The following BICD1 variants were observed in gnomAD, a reference collection of about 807,000 sequenced individuals.
BICD1 encodes protein bicaudal D homolog 1.
In BICD1, 35 loss-of-function variants were observed where a neutral mutation model predicts 92.5. The observed-to-expected ratio is 0.38, with a 90% CI of 0.29 to 0.50. The LOEUF (loss-of-function observed/expected upper bound fraction) is 0.50, where lower values mean the gene tolerates loss of function less well. Among genes scored for constraint, BICD1 ranks in the 20% least tolerant of loss-of-function variants. The probability of loss-of-function intolerance (pLI) is 0.93; values close to 1 mark genes in which losing one functional copy is unlikely to be tolerated. For synonymous variants in BICD1, 429 were observed against 465.1 expected (o/e 0.92, Z 1.00); for missense variants, 950 against 1,189.8 (o/e 0.80, Z 2.97).
intron 2 of BICD1, among the ~76,000 whole-genome samples, chr12:32,262,057 C>T (rs758434001): frequency 2.6e-5 from 4 of 152,124 alleles, no homozygotes; most frequent in Non-Finnish European, 5.9e-5. Context: ...CATTTTAAGT[C>T]GTGGGTTTAT....
chr12:32,320,234 G>A (rs1314071418), intron 4 of BICD1, among the ~76,000 whole-genome samples: 1 of 152,146 alleles, frequency 6.6e-6, no homozygotes, highest in African/African-American at 2.4e-5. Context: ...GGCTGGGCAG[G>A]GTGGCTCTCA....
intron 2 of BICD1, among the ~76,000 whole-genome samples, chr12:32,271,186 T>G (rs534305482): frequency 6.6e-6 from 1 of 152,382 alleles, no homozygotes; most frequent in South Asian, 2.1e-4. Flanking sequence ...TCTCCCTGAA[T>G]TAGTGTCCTT....
intron 1 of BICD1, 50 bp from the exon 2 acceptor site, chr12:32,216,197 G>T: frequency 1.3e-6 from 2 of 1,574,512 alleles, no homozygotes; most frequent in South Asian, 1.1e-5. Context: ...TTAAAAGAGG[G>T]TTATGATGCA....
At chr12:32,109,340 A>G (rs554658323) in intron 1 of BICD1, 5 of 152,326 alleles carry the variant, frequency 3.3e-5, no homozygotes, top group East Asian at 1.9e-4. Context: ...TTCACTAGTC[A>G]ATATTGATTA....
intron 8 of BICD1, among the ~76,000 whole-genome samples, chr12:32,349,125 A>T (rs11051950): frequency 0.54 from 82,495 of 151,784 alleles, 23,378 homozygotes; most frequent in African/African-American, 0.72. Context: ...AGCAAAGAAG[A>T]GTTCTGGTGG....
intron 1 of BICD1, among the ~76,000 whole-genome samples, chr12:32,120,887 GAGAGAGAGAAAA>G (rs753809746): frequency 6.5e-5 from 3 of 46,504 alleles, no homozygotes; most frequent in South Asian, 1.8e-3. Flanking sequence ...GAGAGAGAGA[GAGAGAGAGAAAA>G]AAAAAAGGAA....
intron 1 of BICD1, among the ~76,000 whole-genome samples, chr12:32,146,157 GT>G (rs1461322673): frequency 1.3e-5 from 2 of 152,142 alleles, no homozygotes; most frequent in East Asian, 3.8e-4. Context: ...CCAGCGTTAA[GT>G]TGACAGTTAT....
intron 1 of BICD1, among the ~76,000 whole-genome samples, chr12:32,137,540 A>G (rs1045394121): frequency 1.9e-4 from 29 of 152,224 alleles, no homozygotes; most frequent in African/African-American, 7.0e-4. Context: ...GTTGTAGGGC[A>G]TATGTTCTGA....
intron 1 of BICD1, among the ~76,000 whole-genome samples, chr12:32,215,953 C>CAAAAAAAAA (rs56005523): frequency 1.5e-5 from 1 of 67,910 alleles, no homozygotes; most frequent in Non-Finnish European, 2.7e-5. Context: ...GACTCCGTCT[C>CAAAAAAAAA]AAAAAAAAAA....
intron 1 of BICD1, among the ~76,000 whole-genome samples, chr12:32,205,447 T>A (rs1478199848): frequency 6.6e-6 from 1 of 152,074 alleles, no homozygotes; most frequent in African/African-American, 2.4e-5. Flanking sequence ...AAATTGTACC[T>A]GGGGGCCAGC....
chr12:32,376,905 T>C (rs1353387625), intron 9 of BICD1, among the ~76,000 whole-genome samples: 1 of 149,654 alleles, frequency 6.7e-6, no homozygotes, highest in Admixed American at 6.7e-5. Context: ...ATAAAACTCT[T>C]CCTTATACCT....
chr12:32,146,067 G>A (rs1041497453), intron 1 of BICD1, among the ~76,000 whole-genome samples: 3 of 152,192 alleles, frequency 2.0e-5, no homozygotes, highest in Non-Finnish European at 4.4e-5. Context: ...TTTATAATTA[G>A]AAATGACATA....
intron 1 of BICD1, among the ~76,000 whole-genome samples, chr12:32,117,709 T>TACAC (rs71064996): frequency 0.15 from 12,580 of 82,884 alleles, 802 homozygotes; most frequent in Non-Finnish European, 0.18. Flanking sequence ...CACAAATATA[T>TACAC]ATACACACAC....
chr12:32,142,432 C>CAAAAA (rs1305439204), intron 1 of BICD1, among the ~76,000 whole-genome samples: 6 of 49,412 alleles, frequency 1.2e-4, no homozygotes, highest in African/African-American at 4.9e-4. Context: ...AAAAAAAAAA[C>CAAAAA]AAAAAACCCC....
At chr12:32,150,556 G>A (rs1219159146) in intron 1 of BICD1, among the ~76,000 whole-genome samples, 2 of 152,160 alleles carry the variant, frequency 1.3e-5, no homozygotes, top group African/African-American at 4.8e-5. Context: ...CAGGTAAAAT[G>A]TTTCTTTTTA....
chr12:32,157,646 A>C (rs772728387), intron 1 of BICD1, among the ~76,000 whole-genome samples: 1 of 152,078 alleles, frequency 6.6e-6, no homozygotes, highest in Non-Finnish European at 1.5e-5. Context: ...CCTAACCCCA[A>C]ATTTCCTTGC....
chr12:32,198,516 G>C (rs951075668), intron 1 of BICD1, among the ~76,000 whole-genome samples: 2 of 145,072 alleles, frequency 1.4e-5, no homozygotes, highest in Non-Finnish European at 1.5e-5. Flanking sequence ...GAGTGTTCTT[G>C]CTTGTTAATC....
intron 2 of BICD1, among the ~76,000 whole-genome samples, chr12:32,239,289 G>A (rs1416039054): frequency 8.0e-5 from 12 of 149,746 alleles, no homozygotes; most frequent in South Asian, 2.1e-4. Context: ...ATTGTTGGCC[G>A]GGCGCTGTGG....
intron 8 of BICD1, chr12:32,339,341 T>C (rs1938266242): frequency 1.0e-6 from 1 of 999,316 alleles, no homozygotes; most frequent in African/African-American, 1.7e-5. Context: ...CTTATCGTTT[T>C]TAATGTAATT....
Sources: gnomAD v4.1 joint callset for allele counts (sites outside exome capture counted in the v4.1 genomes callset) on GRCh38, gnomAD v4.1.1 for gene constraint, MANE v1.5 for transcripts, NCBI Gene and HGNC (gene_info 2026-07-23, HGNC 2026-07-21) for gene names.